Variants in KALRN observed in about 807,000 individuals in gnomAD.
The protein encoded by KALRN is kalirin.
KALRN carries 70 observed loss-of-function variants against 353.7 expected under a neutral mutation model. That is an observed-to-expected ratio of 0.20 (90% CI 0.16 to 0.24). The LOEUF is 0.24. Among genes scored for constraint, KALRN ranks in the 10% least tolerant of loss-of-function variants. The probability of loss-of-function intolerance (pLI) is 1.00; values close to 1 mark genes in which losing one functional copy is unlikely to be tolerated. For synonymous variants in KALRN, 1,391 were observed against 1,434.8 expected, an observed-to-expected ratio of 0.97 and a Z score of 0.69; for missense variants, 2,791 against 3,756.7, an observed-to-expected ratio of 0.74 and a Z score of 6.72.
intron 6 of KALRN, among the ~76,000 whole-genome samples, chr3:124,313,662 G>C (rs1289419672): frequency 6.6e-6 from 1 of 152,200 alleles, no homozygotes; most frequent in Non-Finnish European, 1.5e-5. Flanking sequence ...GCCCGCTGGA[G>C]TCACCTGGGA....
intron 57 of KALRN, among the ~76,000 whole-genome samples, chr3:124,704,555 C>G (rs1356942936): frequency 6.6e-6 from 1 of 150,466 alleles, no homozygotes; most frequent in Non-Finnish European, 1.5e-5. Context: ...TTTCTTTTTT[C>G]TTTTTTCTTT....
chr3:124,231,266 C>T (rs73186290), intron 2 of KALRN, among the ~76,000 whole-genome samples: 15,077 of 152,298 alleles, frequency 0.099, 1,136 homozygotes, highest in African/African-American at 0.2. Context: ...ATTCACAGCT[C>T]ACGAGCTCCC....
At chr3:124,143,128 G>A (rs2066841630) in intron 1 of KALRN, among the ~76,000 whole-genome samples, 1 of 152,124 alleles carries the variant, frequency 6.6e-6, no homozygotes, top group Non-Finnish European at 1.5e-5. Context: ...GTTAAGAGGT[G>A]CTTCTGGGAA....
chr3:124,377,833 A>G (rs1241118133), intron 10 of KALRN, among the ~76,000 whole-genome samples: 3 of 152,114 alleles, frequency 2.0e-5, no homozygotes, highest in Admixed American at 6.5e-5. Flanking sequence ...TCACTCTGCA[A>G]TCTACTACGT....
chr3:124,451,614 G>A (rs1160674044), intron 21 of KALRN, among the ~76,000 whole-genome samples: 2 of 152,166 alleles, frequency 1.3e-5, no homozygotes, highest in Non-Finnish European at 2.9e-5. Flanking sequence ...TAGGTTGAAC[G>A]AGAAAAGATA....
In KALRN at chr3:124,562,946, G is replaced by A. The variant is rs372360457; in HGVS notation, c.5039G>A (p.Arg1680Gln). ...QVGQTVELLERPSERPGWCLV... is the reference protein window; with the variant it reads ...QVGQTVELLEQPSERPGWCLV... ...GGGCAGACGGTAGAGCTGCTGGAGC[G>A]GCCCAGCGAGCGGCCTGGTTGGTGT... The change falls in exon 34 of 60, where the codon CGG becomes CAG. Residue 1680 changes from arginine (R) to glutamine (Q), a missense_variant. Coordinates refer to ENST00000682506, the MANE Select transcript of KALRN (RefSeq NM_001388419.1). 8.3e-5 allele frequency: 114 copies of A among 1,367,896 alleles called. 1 individual carries two copies. Among genetic ancestry groups the A allele is most frequent in the East Asian group, 5.0e-4 (11 of 21,988 alleles). The allele number at this position is 1,367,896 out of a possible 1,614,324, so 84.7% of individuals were successfully genotyped here.
chr3:124,405,995 G>A (rs1296018837), intron 13 of KALRN, among the ~76,000 whole-genome samples: 3 of 152,068 alleles, frequency 2.0e-5, no homozygotes, highest in African/African-American at 4.8e-5. Flanking sequence ...CATAAAATTG[G>A]CCATAAAAAT....
chr3:124,573,128 T>G (rs1217273826), intron 34 of KALRN, among the ~76,000 whole-genome samples: 2 of 152,082 alleles, frequency 1.3e-5, no homozygotes, highest in Admixed American at 6.5e-5. Context: ...ATCTATGAAA[T>G]AAGCCGGATG....
At chr3:124,403,294 A>C (rs924928174) in intron 13 of KALRN, among the ~76,000 whole-genome samples, 4 of 152,232 alleles carry the variant, frequency 2.6e-5, no homozygotes, top group African/African-American at 9.7e-5. Flanking sequence ...ATATATACAC[A>C]TATATGCATA....
chr3:124,608,882 C>T (rs962655557), intron 34 of KALRN, among the ~76,000 whole-genome samples: 3 of 152,140 alleles, frequency 2.0e-5, no homozygotes, highest in Non-Finnish European at 2.9e-5. Context: ...GGAAATCATA[C>T]GTGGGGTTCT....
intron 13 of KALRN, among the ~76,000 whole-genome samples, chr3:124,406,585 A>G (rs2091565449): frequency 1.3e-5 from 2 of 152,198 alleles, no homozygotes; most frequent in South Asian, 4.1e-4. Context: ...TGCAATTGAT[A>G]ACCCAGGTAT....
chr3:124,114,498 T>A (rs1176587334), intron 1 of KALRN, among the ~76,000 whole-genome samples: 1 of 152,168 alleles, frequency 6.6e-6, no homozygotes, highest in African/African-American at 2.4e-5. Context: ...CAAGGCTTGA[T>A]CCTGGCATAG....
chr3:124,586,636 A>G (rs953275699), intron 34 of KALRN, among the ~76,000 whole-genome samples: 13 of 152,268 alleles, frequency 8.5e-5, no homozygotes, highest in African/African-American at 2.9e-4. Context: ...GCGAGTGGCT[A>G]TCGTAGGAGC....
intron 6 of KALRN, among the ~76,000 whole-genome samples, chr3:124,301,006 C>G (rs540231618): frequency 1.3e-5 from 2 of 152,298 alleles, no homozygotes; most frequent in East Asian, 3.9e-4. Flanking sequence ...TGTGGATTTT[C>G]CCTGGTGAGT....
At chr3:124,359,368 A>C (rs181127234) in intron 10 of KALRN, among the ~76,000 whole-genome samples, 2 of 152,374 alleles carry the variant, frequency 1.3e-5, no homozygotes, top group East Asian at 3.9e-4. Context: ...TACTTGGCCC[A>C]GACCAGATAG....
intron 3 of KALRN, among the ~76,000 whole-genome samples, chr3:124,235,933 A>C (rs1255565416): frequency 6.6e-6 from 1 of 152,214 alleles, no homozygotes; most frequent in African/African-American, 2.4e-5. Context: ...TGTGCTGATT[A>C]AGTTCTTGAA....
At chr3:124,069,081 G>C (rs768147389) in intron 1 of KALRN, among the ~76,000 whole-genome samples, 3 of 152,084 alleles carry the variant, frequency 2.0e-5, no homozygotes, top group Non-Finnish European at 4.4e-5. Flanking sequence ...CCCTCCACAC[G>C]TTTGGTATAA....
intron 5 of KALRN, among the ~76,000 whole-genome samples, chr3:124,270,368 T>A (rs1487896605): frequency 2.0e-5 from 3 of 152,206 alleles, no homozygotes; most frequent in Non-Finnish European, 2.9e-5. Flanking sequence ...ATAAGTGTGA[T>A]CCCAATTTAT....
intron 2 of KALRN, among the ~76,000 whole-genome samples, 194 bp from the exon 3 acceptor site, chr3:124,234,635 G>A (rs538750883): frequency 6.6e-6 from 1 of 152,270 alleles, no homozygotes; most frequent in Non-Finnish European, 1.5e-5. Context: ...CACCAGAGAA[G>A]CCAAAAGACT....
Sources: allele counts gnomAD v4.1 joint callset (sites outside exome capture counted in the v4.1 genomes callset), GRCh38; gene constraint gnomAD v4.1.1; transcripts MANE v1.5; gene names NCBI Gene and HGNC (gene_info 2026-07-23, HGNC 2026-07-21).